Variants in LEKR1 observed in about 807,000 individuals in gnomAD.
The protein encoded by LEKR1 is leucine, glutamate and lysine rich 1.
LEKR1 carries 59 observed loss-of-function variants against 72.4 expected under a neutral mutation model. That is an observed-to-expected ratio of 0.82 (90% CI 0.66 to 1.01). The LOEUF (loss-of-function observed/expected upper bound fraction) is 1.01, where lower values mean the gene tolerates loss of function less well. Among genes scored for constraint, LEKR1 ranks in the 50% least tolerant of loss-of-function variants. The pLI, the probability that LEKR1 is intolerant of heterozygous loss-of-function variation, is 0.00. For missense variants in LEKR1, 728 were observed against 759.2 expected, an observed-to-expected ratio of 0.96 and a Z score of 0.48; for synonymous variants, 257 against 263.2, an observed-to-expected ratio of 0.98 and a Z score of 0.23.
chr3:157,033,039 A>G (rs1024185902), intron 12 of LEKR1, among the ~76,000 whole-genome samples: 9 of 152,284 alleles, frequency 5.9e-5, no homozygotes, highest in African/African-American at 1.9e-4. Flanking sequence ...AATGGTGCCT[A>G]TATAAGACAG....
intron 3 of LEKR1, among the ~76,000 whole-genome samples, chr3:156,882,576 T>G (rs971443279): frequency 0.045 from 6,870 of 152,254 alleles, 553 homozygotes; most frequent in African/African-American, 0.16. Context: ...AGTTCAACCA[T>G]TGTGGAAGTC....
chr3:156,873,928 ATTCTCT>A (rs1241660474), intron 3 of LEKR1, among the ~76,000 whole-genome samples: 5 of 152,018 alleles, frequency 3.3e-5, no homozygotes, highest in Non-Finnish European at 7.4e-5. Flanking sequence ...TTTTTAGAAT[ATTCTCT>A]TAGTCTTTGA....
At chr3:156,920,038 C>G (rs969905757) in intron 3 of LEKR1, among the ~76,000 whole-genome samples, 4 of 151,994 alleles carry the variant, frequency 2.6e-5, no homozygotes, top group African/African-American at 9.7e-5. Flanking sequence ...TGCACATGCC[C>G]CTTTCCACTT....
intron 9 of LEKR1, among the ~76,000 whole-genome samples, chr3:156,997,731 T>C (rs1242903375): frequency 6.6e-6 from 1 of 152,182 alleles, no homozygotes; most frequent in African/African-American, 2.4e-5. Flanking sequence ...TTAGAAGCTG[T>C]GTATTTCAGA....
chr3:157,042,376 C>T (rs1448711937), intron 12 of LEKR1, among the ~76,000 whole-genome samples: 1 of 152,202 alleles, frequency 6.6e-6, no homozygotes, highest in Non-Finnish European at 1.5e-5. Context: ...TGGCCCCATT[C>T]ACTTACTTTG....
chr3:156,863,988 A>G (rs183098433), intron 3 of LEKR1, among the ~76,000 whole-genome samples: 12 of 152,046 alleles, frequency 7.9e-5, no homozygotes, highest in Non-Finnish European at 1.5e-4. Context: ...TGAAGAACTC[A>G]GCAAGAAATC....
chr3:156,931,154 C>T (rs942313885), intron 5 of LEKR1, among the ~76,000 whole-genome samples: 7 of 151,986 alleles, frequency 4.6e-5, no homozygotes, highest in African/African-American at 1.7e-4. Context: ...AAATGTGTGA[C>T]AAAGAACTGT....
intron 7 of LEKR1, among the ~76,000 whole-genome samples, chr3:156,981,758 C>T (rs75026737): frequency 0.019 from 2,947 of 152,302 alleles, 64 homozygotes; most frequent in African/African-American, 0.056. Context: ...TGTGTGGCTT[C>T]GCCATTTTTG....
chr3:156,873,832 T>C (rs1224889559), intron 3 of LEKR1, among the ~76,000 whole-genome samples: 1 of 152,100 alleles, frequency 6.6e-6, no homozygotes. Flanking sequence ...ATCCCATTCT[T>C]TCCTGGCCCA....
intron 2 of LEKR1, chr3:156,851,316 T>A (rs1244240229): frequency 6.6e-6 from 1 of 152,240 alleles, no homozygotes; most frequent in African/African-American, 2.4e-5. Flanking sequence ...CTAAGAGGAC[T>A]GGAACTGGTG....
chr3:157,015,945 G>A lies in LEKR1; in HGVS notation c.1203+4439G>A, dbSNP rs1273642692. On this transcript the variant is annotated intron_variant, in intron 10 of 12. Transcript: ENST00000356539. ...TATTAAAAGTACACTGGATTGGATT[G>A]ATGGCAGATTAGACATTCCAGAAGA... is the stretch of plus-strand genomic sequence containing the variant. 2.0e-5 allele frequency among the ~76,000 whole-genome samples: 3 copies of A among 152,108 alleles called. No individual in the cohort carries two copies. In the East Asian group the frequency reaches 5.8e-4, roughly 29 times the overall value.
intron 6 of LEKR1, among the ~76,000 whole-genome samples, chr3:156,965,805 T>C (rs1728508860): frequency 6.6e-6 from 1 of 152,360 alleles, no homozygotes; most frequent in East Asian, 1.9e-4. Context: ...AGTTAAAATA[T>C]GTTAATTTGA....
chr3:156,917,936 G>C (rs180910097), intron 3 of LEKR1, among the ~76,000 whole-genome samples: 63 of 152,146 alleles, frequency 4.1e-4, no homozygotes, highest in Admixed American at 4.1e-3. Context: ...GCTACCTCCT[G>C]GTAAAGAAAT....
In LEKR1 at chr3:156,924,667, G is replaced by A. The variant is rs145951926; in HGVS notation, c.384-2762G>A. The A allele has an allele frequency of 5.5e-3, 2,388 of 432,240 alleles. 13 individuals are homozygous for A. Among genetic ancestry groups the A allele is most frequent in the Middle Eastern group, 0.02 (35 of 1,742 alleles). 26.8% of individuals were successfully genotyped at this position (432,240 alleles called of 1,614,324 possible). On this transcript the variant is annotated intron_variant, in intron 4 of 12. Coordinates refer to ENST00000356539, the MANE Select transcript of LEKR1 (RefSeq NM_001004316.3). Reference sequence around the variant, plus strand: ...AGAATCTAAATTCATCCTGTTTCACGTGGATATTCAATTGTTCCAGTGCTG... The same window carrying A: ...AGAATCTAAATTCATCCTGTTTCACATGGATATTCAATTGTTCCAGTGCTG...
intron 3 of LEKR1, among the ~76,000 whole-genome samples, chr3:156,855,018 C>T (rs1297476489): frequency 6.6e-6 from 1 of 152,032 alleles, no homozygotes; most frequent in Non-Finnish European, 1.5e-5. Context: ...TTCTTAACTA[C>T]ACCAACATTT....
rs199669249 is a variant in LEKR1, at chr3:156,958,522, C to CT, written c.745+15810dup. On this transcript the variant is annotated intron_variant, in intron 6 of 12. Transcript: ENST00000356539. ...TGCCCCAAGCCTGCCCCTTTGCTCC[C>CT]TTCCTACCACCTATTTCCTACTTGT... Among the ~76,000 whole-genome samples the CT allele has an allele frequency of 2.2e-4, 34 of 152,250 alleles. 1 individual carries two copies. In the East Asian group the frequency reaches 5.8e-3, roughly 26 times the overall value.
intron 6 of LEKR1, among the ~76,000 whole-genome samples, chr3:156,976,151 T>C (rs1485141164): frequency 2.6e-5 from 4 of 152,136 alleles, no homozygotes; most frequent in Non-Finnish European, 4.4e-5. Context: ...TATAGTGAAC[T>C]AGTAGGATGT....
intron 6 of LEKR1, among the ~76,000 whole-genome samples, chr3:156,954,738 C>T (rs1279644066): frequency 6.6e-6 from 1 of 151,978 alleles, no homozygotes; most frequent in Non-Finnish European, 1.5e-5. Context: ...GTACTGGTAC[C>T]ATGCTGTTTT....
chr3:156,905,913 T>C (rs933835497), intron 3 of LEKR1, among the ~76,000 whole-genome samples: 7 of 152,118 alleles, frequency 4.6e-5, no homozygotes, highest in African/African-American at 1.4e-4. Flanking sequence ...CCCCTTGATA[T>C]TTGGATACCT....
Sources: gnomAD v4.1 joint callset for allele counts (sites outside exome capture counted in the v4.1 genomes callset) on GRCh38, gnomAD v4.1.1 for gene constraint, MANE v1.5 for transcripts, NCBI Gene and HGNC (gene_info 2026-07-23, HGNC 2026-07-21) for gene names.